ANKS1B: variants seen among roughly 807,000 people sequenced by gnomAD.
The protein encoded by ANKS1B is ankyrin repeat and sterile alpha motif domain containing 1B, also known as ankyrin repeat and sterile alpha motif domain-containing protein 1B.
ANKS1B carries 36 observed loss-of-function variants against 148.3 expected under a neutral mutation model. The observed-to-expected ratio is 0.24, with a 90% confidence interval of 0.19 to 0.32. The LOEUF (loss-of-function observed/expected upper bound fraction) is 0.32, where lower values mean the gene tolerates loss of function less well. Ranked by LOEUF, ANKS1B falls within the 10% of genes least tolerant of loss-of-function variation. The pLI is 1.00. For synonymous variants in ANKS1B, 542 were observed against 560.8 expected, an observed-to-expected ratio of 0.97 and a Z score of 0.47; for missense variants, 1,157 against 1,542.6, an observed-to-expected ratio of 0.75 and a Z score of 4.19.
At chr12:99,399,311 A>T (rs1405161184) in intron 12 of ANKS1B, among the ~76,000 whole-genome samples, 1 of 152,066 alleles carries the variant, frequency 6.6e-6, no homozygotes, top group Non-Finnish European at 1.5e-5. Context: ...TCTCTTAATA[A>T]AGTTGTCTGT....
intron 9 of ANKS1B, among the ~76,000 whole-genome samples, chr12:99,576,656 G>A (rs1263585114): frequency 6.6e-6 from 1 of 151,988 alleles, no homozygotes; most frequent in Non-Finnish European, 1.5e-5. Context: ...ACAAAATTAA[G>A]GCAGAAATTT....
intron 9 of ANKS1B, among the ~76,000 whole-genome samples, chr12:99,637,916 A>G (rs2098257228): frequency 6.6e-6 from 1 of 151,606 alleles, no homozygotes; most frequent in Admixed American, 6.6e-5. Context: ...CCTCTAGACA[A>G]CCCTAATACA....
intron 14 of ANKS1B, among the ~76,000 whole-genome samples, chr12:99,224,057 T>C: frequency 6.6e-6 from 1 of 152,226 alleles, no homozygotes; most frequent in South Asian, 2.1e-4. Flanking sequence ...AAACATGTTT[T>C]ACTGGTCACT....
chr12:99,913,990 CT>C (rs2094092180), intron 1 of ANKS1B, among the ~76,000 whole-genome samples: 1 of 152,188 alleles, frequency 6.6e-6, no homozygotes, highest in Non-Finnish European at 1.5e-5. Context: ...CCATATCCCC[CT>C]GACTTGTCTG....
At chr12:99,849,959 G>A (rs2087432224) in intron 1 of ANKS1B, among the ~76,000 whole-genome samples, 1 of 151,860 alleles carries the variant, frequency 6.6e-6, no homozygotes, top group African/African-American at 2.4e-5. Flanking sequence ...CCTCTCTGTG[G>A]GTTTATTTAA....
chr12:99,652,859 C>T (rs1418551411), intron 9 of ANKS1B, among the ~76,000 whole-genome samples: 1 of 151,912 alleles, frequency 6.6e-6, no homozygotes, highest in Non-Finnish European at 1.5e-5. Context: ...AACTAGATAT[C>T]AACAAGCAAA....
chr12:98,812,647 C>T (rs1405530645), intron 19 of ANKS1B, among the ~76,000 whole-genome samples: 2 of 152,006 alleles, frequency 1.3e-5, no homozygotes, highest in Non-Finnish European at 2.9e-5. Context: ...GATCTCGGCT[C>T]GCTGCAACCT....
At chr12:99,949,210 A>G (rs1418341446) in intron 1 of ANKS1B, among the ~76,000 whole-genome samples, 1 of 152,168 alleles carries the variant, frequency 6.6e-6, no homozygotes, top group African/African-American at 2.4e-5. Context: ...GAGGCAAATC[A>G]CCTCTGGTTG....
intron 1 of ANKS1B, among the ~76,000 whole-genome samples, chr12:99,889,909 C>T (rs2093008742): frequency 6.6e-6 from 1 of 152,094 alleles, no homozygotes; most frequent in Admixed American, 6.6e-5. Context: ...TTTTAATAAG[C>T]TTCTAGGTGG....
intron 17 of ANKS1B, chr12:98,894,797 C>T: frequency 1.0e-6 from 1 of 984,636 alleles, no homozygotes; most frequent in Non-Finnish European, 1.2e-6. Flanking sequence ...GCGAGCGCGC[C>T]GAGGAAGGGC....
chr12:99,870,553 G>T (rs1030894513), intron 1 of ANKS1B, among the ~76,000 whole-genome samples: 11 of 152,156 alleles, frequency 7.2e-5, no homozygotes, highest in African/African-American at 2.7e-4. Context: ...CCAACAGTAT[G>T]TAAGTGTTCC....
chr12:98,966,276 C>T (rs2099877809), intron 17 of ANKS1B, among the ~76,000 whole-genome samples: 1 of 152,306 alleles, frequency 6.6e-6, no homozygotes, highest in East Asian at 1.9e-4. Flanking sequence ...GACATTTATG[C>T]AGCCCACAGA....
chr12:99,038,681 T>A (rs2099957030), intron 17 of ANKS1B, among the ~76,000 whole-genome samples: 1 of 152,244 alleles, frequency 6.6e-6, no homozygotes, highest in Non-Finnish European at 1.5e-5. Context: ...GCCTTTTCCC[T>A]GGCTCATGCT....
intron 15 of ANKS1B, among the ~76,000 whole-genome samples, chr12:99,099,510 T>G (rs1271748409): frequency 4.6e-5 from 7 of 152,202 alleles, no homozygotes; most frequent in Non-Finnish European, 8.8e-5. Context: ...GGGGCTGCAC[T>G]CTCACTACAA....
chr12:99,088,019 A>C (rs925393789), intron 15 of ANKS1B, among the ~76,000 whole-genome samples: 4 of 152,210 alleles, frequency 2.6e-5, no homozygotes, highest in Admixed American at 6.5e-5. Flanking sequence ...CATCTTTTTG[A>C]GCCAAATTTC....
chr12:99,182,682 T>A (rs969063160), intron 14 of ANKS1B, among the ~76,000 whole-genome samples: 1 of 152,132 alleles, frequency 6.6e-6, no homozygotes, highest in African/African-American at 2.4e-5. Context: ...TACCTAGGAG[T>A]GGGATTACTA....
chr12:99,459,734 A>G (rs566737569), intron 10 of ANKS1B, among the ~76,000 whole-genome samples: 18 of 152,230 alleles, frequency 1.2e-4, no homozygotes, highest in African/African-American at 4.1e-4. Flanking sequence ...ACTACAAAAC[A>G]TTGCTGAAAG....
chr12:98,735,607 G>T (rs765046279), exon 10 of ANKS1B: 1 of 774,536 alleles, frequency 1.3e-6, no homozygotes. Context: ...GATGGTTCCT[G>T]CCCGGTATGG....
chr12:99,944,463 A>T (rs146095010), intron 1 of ANKS1B, among the ~76,000 whole-genome samples: 77 of 152,290 alleles, frequency 5.1e-4, no homozygotes, highest in Non-Finnish European at 9.9e-4. Flanking sequence ...AGCCACACAG[A>T]CATGGAAGGA....
Sources: allele counts gnomAD v4.1 joint callset (sites outside exome capture counted in the v4.1 genomes callset), GRCh38; gene constraint gnomAD v4.1.1; transcripts MANE v1.5; gene names NCBI Gene and HGNC (gene_info 2026-07-23, HGNC 2026-07-21).